The following TXNRD3 variants were observed in gnomAD, a reference collection of about 807,000 sequenced individuals.
The protein encoded by TXNRD3 is thioredoxin reductase 3, also known as TXNRD3 neighbor gene protein.
Under a neutral mutation model 78.2 loss-of-function variants are expected in TXNRD3, and 68 were observed. The ratio of observed to expected loss-of-function variants is 0.87; its 90% CI spans 0.72 to 1.06. The LOEUF (loss-of-function observed/expected upper bound fraction) is 1.06, where lower values mean the gene tolerates loss of function less well. Ranked by LOEUF, TXNRD3 falls within the 50% of genes least tolerant of loss-of-function variation. The pLI is 0.00. For missense variants in TXNRD3, 751 were observed against 809.5 expected (o/e 0.93, Z 0.88); for synonymous variants, 296 against 300.1 (o/e 0.99, Z 0.14).
chr3:126,644,199 A>T, intron 4 of TXNRD3, 98 bp downstream of exon 4: 1 of 1,371,402 alleles, frequency 7.3e-7, no homozygotes, highest in African/African-American at 1.5e-5. Context: ...ACAAAAGCTT[A>T]AACTGTAACA....
At chr3:126,648,250 T>C (rs1406573697) in intron 1 of TXNRD3, among the ~76,000 whole-genome samples, 1 of 152,352 alleles carries the variant, frequency 6.6e-6, no homozygotes, top group East Asian at 1.9e-4. Flanking sequence ...CAATATCCCA[T>C]GTTCATGGAT....
At chr3:126,621,475 G>A (rs1448146803) in intron 12 of TXNRD3, among the ~76,000 whole-genome samples, 1 of 152,218 alleles carries the variant, frequency 6.6e-6, no homozygotes, top group Non-Finnish European at 1.5e-5. Flanking sequence ...CTCAGCCTGT[G>A]CCTGCCTGAC....
intron 12 of TXNRD3, among the ~76,000 whole-genome samples, chr3:126,621,070 C>T (rs1056329113): frequency 3.9e-5 from 6 of 152,186 alleles, no homozygotes; most frequent in Admixed American, 2.0e-4. Flanking sequence ...CAGGTCTCTG[C>T]GTCCTTAGCC....
intron 6 of TXNRD3, among the ~76,000 whole-genome samples, chr3:126,639,044 A>G (rs1418471769): frequency 1.3e-5 from 2 of 152,194 alleles, no homozygotes; most frequent in Admixed American, 6.5e-5. Flanking sequence ...TGTGTCTCCA[A>G]CACAGAGTGA....
At chr3:126,614,159 C>T (rs61279073) in intron 13 of TXNRD3, among the ~76,000 whole-genome samples, 6,782 of 152,142 alleles carry the variant, frequency 0.045, 478 homozygotes, top group African/African-American at 0.15. Flanking sequence ...TTATTTTGTA[C>T]AGCTCTACAA....
At chr3:126,623,858 A>AAAAAAAAAAAAAAAAAAAAAT (rs1938510451) in intron 10 of TXNRD3, among the ~76,000 whole-genome samples, 1 of 150,802 alleles carries the variant, frequency 6.6e-6, no homozygotes, top group African/African-American at 2.4e-5. Context: ...AGGCCAAAAA[A>AAAAAAAAAAAAAAAAAAAAAT]AAAAAAAAAA....
In TXNRD3 at chr3:126,640,259, T is replaced by G. The variant is rs1336792212; in HGVS notation, c.712+1773A>C. 9.6e-3 allele frequency among the ~76,000 whole-genome samples: 311 copies of G among 32,314 alleles called. 15 individuals carry two copies. Among genetic ancestry groups the G allele is most frequent in the Non-Finnish European group, 0.027 (206 of 7,636 alleles). The allele number at this position is 32,314 out of a possible 152,430, so 21.2% of individuals were successfully genotyped here. A position where few individuals can be genotyped will look rare whatever the true frequency, so the allele number is the denominator to read the frequency against. ...AGCTGGGACTACAGGCGCCCGCCAC[T>G]ACGCCCGGCTAATTTTTTGTATTTT... On this transcript the variant is annotated intron_variant, in intron 6 of 15. Coordinates refer to ENST00000524230, the MANE Select transcript of TXNRD3 (RefSeq NM_052883.3).
At position 126,647,339 on chromosome 3, in the gene TXNRD3, C is replaced by A. The variant is rs1269241669; in HGVS notation, c.244-43G>T. ...CTAAGTTTCACTCTCAGAAAAGATT[C>A]AACAGCTATGAAATATGAACATAGT... On this transcript the variant is annotated intron_variant, in intron 1 of 15. Transcript: ENST00000524230. 4 of 1,348,818 alleles carry A rather than the reference C, an allele frequency of 3.0e-6. No individual in the cohort carries two copies. In the East Asian group the frequency reaches 1.0e-4, roughly 34 times the overall value. The allele number at this position is 1,348,818 out of a possible 1,614,324, so 83.6% of individuals were successfully genotyped here.
intron 10 of TXNRD3, among the ~76,000 whole-genome samples, chr3:126,627,242 T>G (rs1034590328): frequency 6.6e-6 from 1 of 152,214 alleles, no homozygotes; most frequent in African/African-American, 2.4e-5. Context: ...GAACTACTGA[T>G]GCACACAACA....
At chr3:126,631,076 A>C in intron 8 of TXNRD3, 139 bp from the exon 9 acceptor site, 1 of 875,046 alleles carries the variant, frequency 1.1e-6, no homozygotes, top group Non-Finnish European at 1.7e-6. Context: ...TGAAATTTGT[A>C]ATTGAGTCTG....
rs114883784 is a variant in TXNRD3 at position 126,609,175 on chromosome 3, C to T, written c.1729-542G>A. 6.2e-3 allele frequency: 2,748 copies of T among 444,434 alleles called. 70 individuals carry two copies. The highest frequency in any genetic ancestry group is 0.051 in the African/African-American group (2,539 of 49,752). 27.5% of individuals were successfully genotyped at this position (444,434 alleles called of 1,614,324 possible). ...AAGCAAGATGTGCAGTCGTTTTCCA[C>T]GGTAACGGTGCATTCTAGGCTGTCC... On this transcript the variant is annotated intron_variant, in intron 14 of 15. Transcript: ENST00000524230.
intron 1 of TXNRD3, among the ~76,000 whole-genome samples, chr3:126,651,650 G>T (rs1414063523): frequency 6.6e-6 from 1 of 152,120 alleles, no homozygotes; most frequent in Non-Finnish European, 1.5e-5. Flanking sequence ...AAGAAATATA[G>T]ATAGAAAACA....
rs1321495340 is a variant in TXNRD3 at position 126,640,398 on chromosome 3, C to T, written c.712+1634G>A. Among the ~76,000 whole-genome samples the T allele has an allele frequency of 3.1e-3, 25 of 8,186 alleles. 10 individuals are homozygous for T. The highest frequency in any genetic ancestry group is 0.011 in the Admixed American group (4 of 356). 5.4% of individuals were successfully genotyped at this position (8,186 alleles called of 152,430 possible). ...CTGGGATTACAGGCGTGAGCCACCGCGCCCGGCCGCTGCTTGTGTTTTCTA... is the reference window on the plus strand; with the variant it reads ...CTGGGATTACAGGCGTGAGCCACCGTGCCCGGCCGCTGCTTGTGTTTTCTA... On this transcript the variant is annotated intron_variant, in intron 6 of 15. Transcript: ENST00000524230.
intron 2 of TXNRD3, 92 bp downstream of exon 2, chr3:126,647,144 A>T: frequency 1.0e-6 from 1 of 994,624 alleles, no homozygotes. Flanking sequence ...CCCGAAGACA[A>T]GAGTAATCTG....
Position 126,631,746 on chromosome 3 carries a change from T to G in TXNRD3, c.971+18A>C, listed in dbSNP as rs1234092004. On this transcript the variant is annotated intron_variant, in intron 8 of 15. Transcript: ENST00000524230. ...CAATTTATTAACATTAAAGTTAAAA[T>G]AGTCTATTTAACCTTACCTAGTAAT... 7.3e-7 allele frequency: 1 copy of G among 1,371,732 alleles called. No homozygotes were observed. The highest frequency in any genetic ancestry group is 1.0e-6 in the Non-Finnish European group (1 of 998,550). The allele number at this position is 1,371,732 out of a possible 1,614,324, so 85.0% of individuals were successfully genotyped here. A position where few individuals can be genotyped will look rare whatever the true frequency, so the allele number is the denominator to read the frequency against.
At chr3:126,611,006 C>T (rs567409547) in intron 14 of TXNRD3, 31 bp downstream of exon 14, 23 of 1,243,856 alleles carry the variant, frequency 1.8e-5, no homozygotes, top group Non-Finnish European at 2.2e-5. Context: ...TTAAAAATCA[C>T]AGCATTTTGG....
At chr3:126,637,938 T>C (rs1377918875) in intron 6 of TXNRD3, among the ~76,000 whole-genome samples, 15 of 99,748 alleles carry the variant, frequency 1.5e-4, no homozygotes, top group East Asian at 2.7e-4. Flanking sequence ...CTCTCTTTTT[T>C]TTTTTTTTTT....
At chr3:126,633,586 T>C (rs1938776840) in intron 7 of TXNRD3, among the ~76,000 whole-genome samples, 1 of 152,220 alleles carries the variant, frequency 6.6e-6, no homozygotes, top group Non-Finnish European at 1.5e-5. Context: ...TTAGGAAGGA[T>C]TCCACTAATA....
In TXNRD3 at chr3:126,630,716, AC is replaced by A. The variant is rs1938689064; in HGVS notation, c.1192del (p.Val398Ter). On this transcript the variant is annotated frameshift_variant, in exon 9 of 16. Coordinates refer to ENST00000524230, the MANE Select transcript of TXNRD3 (RefSeq NM_052883.3). LOFTEE classifies it high-confidence loss of function. ...GCAAATGCCATGCAGCCTTACCATC[AC>A]AGGTATGAATTTCCGTAGGAACTTC... 6.5e-7 allele frequency: 1 copy of A among 1,534,114 alleles called. No homozygotes were observed. Among genetic ancestry groups the A allele is most frequent in the Non-Finnish European group, 8.7e-7 (1 of 1,146,814 alleles).
Sources: gnomAD v4.1 joint callset for allele counts (sites outside exome capture counted in the v4.1 genomes callset) on GRCh38, gnomAD v4.1.1 for gene constraint, MANE v1.5 for transcripts, NCBI Gene and HGNC (gene_info 2026-07-23, HGNC 2026-07-21) for gene names.